KIAA1328: variants seen among roughly 807,000 people sequenced by gnomAD.
KIAA1328 encodes the protein protein hinderin.
KIAA1328 carries 52 observed loss-of-function variants against 68.1 expected under a neutral mutation model. The observed-to-expected ratio is 0.76, with a 90% CI of 0.61 to 0.96. The LOEUF (loss-of-function observed/expected upper bound fraction) is 0.96, where lower values mean the gene tolerates loss of function less well. Among genes scored for constraint, KIAA1328 ranks in the 40% least tolerant of loss-of-function variants. The pLI, the probability that KIAA1328 is intolerant of heterozygous loss-of-function variation, is 0.00. For missense variants in KIAA1328, 641 were observed against 677.6 expected, an observed-to-expected ratio of 0.95 and a Z score of 0.60; for synonymous variants, 232 against 239.4, an observed-to-expected ratio of 0.97 and a Z score of 0.28.
intron 6 of KIAA1328, among the ~76,000 whole-genome samples, chr18:37,048,852 A>C (rs192964163): frequency 6.6e-6 from 1 of 152,316 alleles, no homozygotes; most frequent in East Asian, 1.9e-4. Flanking sequence ...TCCTTAGGAT[A>C]CAAGTTAGTC....
At position 37,024,165 on chromosome 18, in the gene KIAA1328, T is replaced by A. The variant is rs2054463313; in HGVS notation, c.577-42725T>A. 2.6e-5 allele frequency among the ~76,000 whole-genome samples: 4 copies of A among 151,958 alleles called. 1 individual carries two copies. The South Asian group carries it at 8.3e-4, about 32-fold the overall frequency. On this transcript the variant is annotated intron_variant, in intron 6 of 9. Coordinates refer to ENST00000280020, the MANE Select transcript of KIAA1328 (RefSeq NM_020776.3). ...ATTCCACCATGCCCTGCTGATTTTT[T>A]AAATTTTTTGTGGAGATGGGGTACT...
At chr18:37,031,620 A>G (rs986886854) in intron 6 of KIAA1328, among the ~76,000 whole-genome samples, 2 of 152,162 alleles carry the variant, frequency 1.3e-5, no homozygotes, top group African/African-American at 4.8e-5. Flanking sequence ...ATCTAGCCAG[A>G]CTGTCTCTGG....
Position 37,223,047 on chromosome 18 carries a change from A to AGGGG in KIAA1328, c.*820_*821insGGGG. On this transcript the variant is annotated 3_prime_UTR_variant, in exon 10 of 10. Transcript: ENST00000280020. The stretch of plus-strand genomic sequence containing the variant: ...ATTTACCCAAGTGTTCAGCTTATTC[A>AGGGG]CCCCACCCCCCCACCCCCCATCACA... 1.9e-5 allele frequency: 8 copies of AGGGG among 430,202 alleles called. No homozygotes were observed. The highest frequency in any genetic ancestry group is 1.1e-4 in the South Asian group (1 of 9,450). The allele number at this position is 430,202 out of a possible 1,614,324, so 26.6% of individuals were successfully genotyped here. A position where few individuals can be genotyped will look rare whatever the true frequency, so the allele number is the denominator to read the frequency against.
chr18:36,951,313 T>C (rs913586216), intron 5 of KIAA1328, among the ~76,000 whole-genome samples: 2 of 152,236 alleles, frequency 1.3e-5, no homozygotes, highest in African/African-American at 4.8e-5. Flanking sequence ...CATTATTGTA[T>C]GTCTGGCATC....
chr18:36,850,858 G>A (rs1378462773), intron 4 of KIAA1328, among the ~76,000 whole-genome samples: 9 of 152,170 alleles, frequency 5.9e-5, no homozygotes, highest in African/African-American at 1.4e-4. Flanking sequence ...ACATTGATTA[G>A]TGGAGTGGCA....
intron 7 of KIAA1328, among the ~76,000 whole-genome samples, chr18:37,158,490 A>G (rs1316968982): frequency 6.6e-6 from 1 of 152,182 alleles, no homozygotes; most frequent in Non-Finnish European, 1.5e-5. Context: ...TTTGTGAGTT[A>G]TAAGAAAAAG....
At chr18:36,938,429 G>C (rs2050584734) in intron 5 of KIAA1328, among the ~76,000 whole-genome samples, 1 of 152,056 alleles carries the variant, frequency 6.6e-6, no homozygotes, top group Non-Finnish European at 1.5e-5. Context: ...TAGGTCCTTT[G>C]CCCATATTTT....
chr18:36,880,015 A>T (rs2048277327), intron 4 of KIAA1328, among the ~76,000 whole-genome samples: 1 of 152,144 alleles, frequency 6.6e-6, no homozygotes, highest in African/African-American at 2.4e-5. Flanking sequence ...CCCAGGCTTC[A>T]GCTCCCTTTC....
Position 36,834,316 on chromosome 18 carries a change from G to A in KIAA1328, c.59-4G>A, listed in dbSNP as rs529687956. 3.5e-5 allele frequency: 55 copies of A among 1,580,352 alleles called. No homozygotes were observed. Among genetic ancestry groups the A allele is most frequent in the Middle Eastern group, 3.3e-4 (2 of 5,980 alleles). On this transcript the variant is annotated splice_polypyrimidine_tract_variant and splice_region_variant and intron_variant, in intron 1 of 9. Transcript: ENST00000280020. ...TGTATTTTCCTTCATGTTCTCCTGC[G>A]TAGTTTCTGATGAAGAACAATCAGT... is the stretch of plus-strand genomic sequence containing the variant.
chr18:37,155,721 C>T (rs370294083), intron 7 of KIAA1328, among the ~76,000 whole-genome samples: 1 of 152,256 alleles, frequency 6.6e-6, no homozygotes, highest in East Asian at 1.9e-4. Flanking sequence ...AGAGTTCAAG[C>T]CCCTCAGCAT....
chr18:37,209,755 GA>G lies in KIAA1328; in HGVS notation c.1524-12250del, dbSNP rs569074264. On this transcript the variant is annotated intron_variant, in intron 9 of 9. Coordinates refer to ENST00000280020, the MANE Select transcript of KIAA1328 (RefSeq NM_020776.3). ...TTGATTGAGAGGAGTGGGATTCAGA[GA>G]AAAAAAAAAAAGAGTTCTGTTTTGG... is the stretch of plus-strand genomic sequence containing the variant. 1.2e-3 allele frequency among the ~76,000 whole-genome samples: 165 copies of G among 138,988 alleles called. 1 individual carries two copies. Among genetic ancestry groups the G allele is most frequent in the Middle Eastern group, 3.6e-3 (1 of 274 alleles). The allele number at this position is 138,988 out of a possible 152,430, so 91.2% of individuals were successfully genotyped here.
rs10582262 is a variant in KIAA1328, at chr18:36,913,479, TACACACACACACACAC to T, written c.448+27836_448+27851del. 1.5e-4 allele frequency among the ~76,000 whole-genome samples: 14 copies of T among 91,362 alleles called. 1 individual carries two copies. The highest frequency in any genetic ancestry group is 5.1e-4 in the South Asian group (1 of 1,942). 59.9% of individuals were successfully genotyped at this position (91,362 alleles called of 152,430 possible). ...GGATGTACAAAGGCAATTACAACCT[TACACACACACACACAC>T]ACACACACACACACACACACACACA... On this transcript the variant is annotated intron_variant, in intron 5 of 9. Coordinates refer to ENST00000280020, the MANE Select transcript of KIAA1328 (RefSeq NM_020776.3).
At chr18:36,918,556 G>A (rs1246351423) in intron 5 of KIAA1328, among the ~76,000 whole-genome samples, 1 of 151,828 alleles carries the variant, frequency 6.6e-6, no homozygotes. Flanking sequence ...GTGATTACAG[G>A]TGCGCACCAC....
intron 4 of KIAA1328, among the ~76,000 whole-genome samples, chr18:36,867,445 T>C (rs1346628948): frequency 6.6e-6 from 1 of 152,244 alleles, no homozygotes; most frequent in Admixed American, 6.5e-5. Context: ...TCTTTTCTTA[T>C]ACATTACCTA....
chr18:37,076,160 G>C (rs1298866842), intron 7 of KIAA1328, among the ~76,000 whole-genome samples: 1 of 152,182 alleles, frequency 6.6e-6, no homozygotes, highest in Non-Finnish European at 1.5e-5. Flanking sequence ...AATCAAACTA[G>C]AACTCAGAAT....
chr18:36,920,334 A>G (rs964880695), intron 5 of KIAA1328, among the ~76,000 whole-genome samples: 5 of 152,096 alleles, frequency 3.3e-5, no homozygotes, highest in Admixed American at 6.5e-5. Context: ...TATTATTGTC[A>G]ACATTGTGGA....
intron 5 of KIAA1328, among the ~76,000 whole-genome samples, chr18:36,894,549 A>G (rs2048807285): frequency 6.6e-6 from 1 of 151,494 alleles, no homozygotes; most frequent in African/African-American, 2.4e-5. Context: ...TTTTTGAGAC[A>G]GGGTCTTACC....
At chr18:37,138,948 C>CCT (rs2058704264) in intron 7 of KIAA1328, among the ~76,000 whole-genome samples, 8 of 74,164 alleles carry the variant, frequency 1.1e-4, no homozygotes, top group African/African-American at 4.2e-4. Flanking sequence ...AAATTTTGTT[C>CCT]TTTTTTTTTT....
chr18:37,148,671 A>G (rs1191047300), intron 7 of KIAA1328, among the ~76,000 whole-genome samples: 1 of 152,186 alleles, frequency 6.6e-6, no homozygotes, highest in Non-Finnish European at 1.5e-5. Flanking sequence ...TCTGACTGGC[A>G]TGAGATGGTA....
Sources: allele counts gnomAD v4.1 joint callset (sites outside exome capture counted in the v4.1 genomes callset), GRCh38; gene constraint gnomAD v4.1.1; transcripts MANE v1.5; gene names NCBI Gene and HGNC (gene_info 2026-07-23, HGNC 2026-07-21).